Variants in RIPOR2 observed in about 807,000 individuals in gnomAD.
RIPOR2 encodes the protein RHO family interacting cell polarization regulator 2.
A neutral mutation model predicts 114.5 loss-of-function variants in RIPOR2; 39 were observed. The observed-to-expected ratio is 0.34, with a 90% CI of 0.26 to 0.44. RIPOR2 has a LOEUF of 0.44. Ranked by LOEUF, RIPOR2 falls within the 20% of genes least tolerant of loss-of-function variation. RIPOR2 has a pLI of 1.00. For synonymous variants in RIPOR2, 445 were observed against 484.4 expected (o/e 0.92, Z 1.07); for missense variants, 1,007 against 1,255.1 (o/e 0.80, Z 2.99).
chr6:24,833,751 TACATCTTTGTATCC>T (rs1760872382), intron 15 of RIPOR2, among the ~76,000 whole-genome samples: 2 of 152,332 alleles, frequency 1.3e-5, no homozygotes, highest in South Asian at 4.1e-4. Context: ...TCCTTCAATC[TACATCTTTGTATCC>T]ACCTCTTCTG....
chr6:24,860,459 G>T (rs575701265), intron 8 of RIPOR2, among the ~76,000 whole-genome samples: 1 of 152,234 alleles, frequency 6.6e-6, no homozygotes, highest in African/African-American at 2.4e-5. Context: ...TTGAGACAAC[G>T]GGGGAAATCT....
chr6:25,034,029 TTTAA>T (rs1777121891), intron 1 of RIPOR2, among the ~76,000 whole-genome samples: 1 of 151,928 alleles, frequency 6.6e-6, no homozygotes, highest in Non-Finnish European at 1.5e-5. Context: ...TACTTGTTTA[TTTAA>T]TTTTATTTTT....
At chr6:24,958,283 C>T (rs912871284) in intron 1 of RIPOR2, among the ~76,000 whole-genome samples, 17 of 152,044 alleles carry the variant, frequency 1.1e-4, no homozygotes, top group Admixed American at 1.1e-3. Flanking sequence ...TGCATATGCA[C>T]CTTAATTGAA....
chr6:24,976,499 G>A (rs925179189), intron 1 of RIPOR2: 3 of 1,578,460 alleles, frequency 1.9e-6, no homozygotes, highest in Non-Finnish European at 2.6e-6. Flanking sequence ...TAAGGGGCCT[G>A]GAAACCAAGA....
chr6:25,035,594 C>T (rs900598516), intron 1 of RIPOR2, among the ~76,000 whole-genome samples: 1 of 152,170 alleles, frequency 6.6e-6, no homozygotes, highest in African/African-American at 2.4e-5. Flanking sequence ...AATCTGCAAC[C>T]GTAGTGCCTC....
chr6:24,917,530 T>C (rs1171326211), intron 1 of RIPOR2, among the ~76,000 whole-genome samples: 2 of 152,172 alleles, frequency 1.3e-5, no homozygotes, highest in Non-Finnish European at 2.9e-5. Context: ...TAGGCTTTTT[T>C]TTCTTTCTTT....
chr6:24,914,880 C>T (rs756463212), intron 1 of RIPOR2, among the ~76,000 whole-genome samples: 11 of 152,182 alleles, frequency 7.2e-5, no homozygotes, highest in Non-Finnish European at 1.3e-4. Context: ...GAAGTGAAGT[C>T]GGTGCTCTAG....
intron 1 of RIPOR2, among the ~76,000 whole-genome samples, chr6:24,889,159 T>G (rs573777926): frequency 6.6e-6 from 1 of 152,200 alleles, no homozygotes; most frequent in Admixed American, 6.5e-5. Context: ...CATCAAGAGA[T>G]GCAGTTGGAA....
chr6:24,909,282 C>T (rs557774146), intron 1 of RIPOR2, among the ~76,000 whole-genome samples: 3 of 152,126 alleles, frequency 2.0e-5, no homozygotes, highest in Non-Finnish European at 4.4e-5. Context: ...TTTGTTCCTA[C>T]AGAAGGATAA....
At chr6:24,826,192 G>A (rs1760174213) in intron 18 of RIPOR2, among the ~76,000 whole-genome samples, 1 of 152,078 alleles carries the variant, frequency 6.6e-6, no homozygotes, top group Non-Finnish European at 1.5e-5. Flanking sequence ...CTCCCAAAGT[G>A]CTAGGATTAC....
intron 8 of RIPOR2, among the ~76,000 whole-genome samples, chr6:24,856,479 G>C (rs187380121): frequency 2.0e-5 from 3 of 152,160 alleles, no homozygotes; most frequent in Admixed American, 2.0e-4. Flanking sequence ...AATTGGTCAG[G>C]CACGGTGGCT....
rs1776479264 is a variant in RIPOR2 at position 25,024,147 on chromosome 6, G to A, written c.76+17704C>T. 14 of 1,059,272 alleles carry A rather than the reference G, an allele frequency of 1.3e-5. 1 individual carries two copies. The South Asian group carries it at 1.8e-4, about 13-fold the overall frequency. 65.6% of individuals were successfully genotyped at this position (1,059,272 alleles called of 1,614,324 possible). On this transcript the variant is annotated intron_variant, in intron 1 of 13. Coordinates refer to the RIPOR2 transcript ENST00000510784. Reference sequence around the variant, plus strand: ...ATTCCCCTTACCGGTGGCGCCGCGGGACACCCCCTCCTGCTGGGCGATTTC... The same window carrying A: ...ATTCCCCTTACCGGTGGCGCCGCGGAACACCCCCTCCTGCTGGGCGATTTC...
intron 1 of RIPOR2, among the ~76,000 whole-genome samples, chr6:24,980,830 G>T (rs1001589052): frequency 6.6e-6 from 1 of 152,220 alleles, no homozygotes; most frequent in African/African-American, 2.4e-5. Flanking sequence ...AGGTAAGTGA[G>T]CTTATCCAGG....
chr6:24,983,228 ACACACACACACAGG>A (rs1774379899), intron 1 of RIPOR2, among the ~76,000 whole-genome samples: 5 of 151,310 alleles, frequency 3.3e-5, no homozygotes, highest in Non-Finnish European at 2.9e-5. Flanking sequence ...ATACATATAT[ACACACACACACAGG>A]CACACACATA....
At chr6:24,921,861 A>C (rs1770523449) in intron 1 of RIPOR2, among the ~76,000 whole-genome samples, 1 of 150,578 alleles carries the variant, frequency 6.6e-6, no homozygotes, top group African/African-American at 2.5e-5. Context: ...ACAGAGTCTC[A>C]CTCTGTCGCC....
rs141528360 is a variant in RIPOR2, at chr6:25,007,745, T to C, written c.76+34106A>G. Among the ~76,000 whole-genome samples the C allele has an allele frequency of 4.1e-4, 62 of 152,028 alleles. 1 individual carries two copies. The highest frequency in any genetic ancestry group is 1.7e-3 in the South Asian group (8 of 4,788). ...GCTTCAACTGTATCATCTCTGTCAA[T>C]AACTCCACATTTACATCCATGCCCA... On this transcript the variant is annotated intron_variant, in intron 1 of 13. Transcript: ENST00000510784.
At chr6:24,946,089 ATTT>A (rs34818168) in intron 1 of RIPOR2, among the ~76,000 whole-genome samples, 1 of 149,356 alleles carries the variant, frequency 6.7e-6, no homozygotes. Context: ...TTTTTAATTA[ATTT>A]TTTTTTTTGA....
chr6:24,809,957 AC>A, intron 20 of RIPOR2, 150 bp from the exon 21 acceptor site: 1 of 621,570 alleles, frequency 1.6e-6, no homozygotes, highest in African/African-American at 1.8e-5. Context: ...TGCAGCCTTG[AC>A]CTCCTGGGCT....
intron 1 of RIPOR2, among the ~76,000 whole-genome samples, chr6:25,012,155 G>C (rs1276396485): frequency 6.6e-6 from 1 of 152,050 alleles, no homozygotes; most frequent in Non-Finnish European, 1.5e-5. Flanking sequence ...ATGTCATCAA[G>C]GAAATAGAAA....
Sources: allele counts gnomAD v4.1 joint callset (sites outside exome capture counted in the v4.1 genomes callset), GRCh38; gene constraint gnomAD v4.1.1; transcripts MANE v1.5; gene names NCBI Gene and HGNC (gene_info 2026-07-23, HGNC 2026-07-21).